ABL2: variants seen among roughly 807,000 people sequenced by gnomAD.
ABL2 encodes ABL proto-oncogene 2, non-receptor tyrosine kinase, also known as tyrosine-protein kinase ABL2.
ABL2 carries 49 observed loss-of-function variants against 107.7 expected under a neutral mutation model. The observed-to-expected ratio is 0.45, with a 90% CI of 0.36 to 0.58. ABL2 has a LOEUF of 0.58. Ranked by LOEUF, ABL2 falls within the 20% of genes least tolerant of loss-of-function variation. The pLI is 0.00. For missense variants in ABL2, 1,245 were observed against 1,457.0 expected (o/e 0.85, Z 2.37); for synonymous variants, 549 against 548.6 (o/e 1.00, Z -0.01).
chr1:179,168,755 T>C (rs1021396461), intron 1 of ABL2, among the ~76,000 whole-genome samples: 5 of 152,178 alleles, frequency 3.3e-5, no homozygotes, highest in Non-Finnish European at 7.3e-5. Flanking sequence ...TCTTCCCACA[T>C]ACACAGCTTT....
intron 1 of ABL2, among the ~76,000 whole-genome samples, chr1:179,176,528 T>G (rs1056520765): frequency 1.3e-5 from 2 of 152,224 alleles, no homozygotes; most frequent in South Asian, 2.1e-4. Context: ...TCAAAATCAA[T>G]CACTCCTTTT....
chr1:179,201,326 G>A (rs1223834005), intron 1 of ABL2, among the ~76,000 whole-genome samples: 1 of 152,152 alleles, frequency 6.6e-6, no homozygotes, highest in Admixed American at 6.5e-5. Context: ...TTACCTTATT[G>A]AAATTTGTAT....
intron 1 of ABL2, among the ~76,000 whole-genome samples, chr1:179,152,878 A>T (rs191725229): frequency 6.6e-6 from 1 of 152,344 alleles, no homozygotes; most frequent in East Asian, 1.9e-4. Flanking sequence ...TTTGATAATT[A>T]TCTGGAAATA....
Position 179,107,908 on chromosome 1 carries a change from C to T in ABL2, c.3359G>A (p.Cys1120Tyr), listed in dbSNP as rs2102572258. The change falls in exon 12 of 12, where the codon TGC becomes TAC. Residue 1120 changes from cysteine (C) to tyrosine (Y), a missense_variant. By Grantham distance (194) the Cys-to-Tyr change is radical. Around this residue, in one of 3 missense-constraint regions of ABL2, gnomAD observed 761 missense variants for 766.4 expected, o/e 0.99. Transcript: ENST00000502732. The stretch of plus-strand genomic sequence containing the variant: ...AGGGATGCAGTCCACATAGCCTGAG[C>T]AGTAGTCAAGCAGCTGGTGTCCAGT... The part of the protein sequence containing the change: ...VDTGHQLLDY[C>Y]SGYVDCIPQT... 2 of 1,614,218 alleles carry T rather than the reference C, an allele frequency of 1.2e-6. No homozygotes were observed. Among genetic ancestry groups the T allele is most frequent in the Non-Finnish European group, 8.5e-7 (1 of 1,180,036 alleles).
chr1:179,128,950 G>A (rs527785799), intron 3 of ABL2, among the ~76,000 whole-genome samples: 1 of 152,000 alleles, frequency 6.6e-6, no homozygotes. Flanking sequence ...CTCCCAAAGT[G>A]CTGAGAATAC....
intron 1 of ABL2, among the ~76,000 whole-genome samples, chr1:179,173,225 A>G (rs185234466): frequency 6.6e-6 from 1 of 151,826 alleles, no homozygotes; most frequent in Non-Finnish European, 1.5e-5. Context: ...AAAAAACGTA[A>G]GTTAACAGAA....
chr1:179,108,719 C>G lies in ABL2; in HGVS notation c.2548G>C (p.Ala850Pro), dbSNP rs1472177761. Residue 850 changes from alanine (A) to proline (P), a missense_variant, in exon 12 of 12, where the codon GCC becomes CCC. Ala to Pro is a conservative substitution (Grantham distance 27). Coordinates refer to ENST00000502732, the MANE Select transcript of ABL2 (RefSeq NM_007314.4). ...SAAPSRERPK[A>P]KLLPRGATAL... is the part of the protein sequence containing the mutation. The stretch of plus-strand genomic sequence containing the variant: ...GTGGCTCCTCTGGGCAATAACTTGG[C>G]TTTTGGTCTCTCCCTGCTTGGAGCA... 1 of 1,614,060 alleles carries G rather than the reference C, an allele frequency of 6.2e-7. No homozygotes were observed.
Position 179,146,829 on chromosome 1 carries a change from A to G in ABL2, c.158-13455T>C, listed in dbSNP as rs187598955. ...AAAGGAAAAAGATATATCACCCCAA[A>G]ATATGTCTCTGACATAAAAATTATT... is the stretch of plus-strand genomic sequence containing the variant. On this transcript the variant is annotated intron_variant, in intron 1 of 11. Transcript: ENST00000502732. Among the ~76,000 whole-genome samples, 179 of 152,266 alleles carry G rather than the reference A, an allele frequency of 1.2e-3. 1 individual carries two copies. The highest frequency in any genetic ancestry group is 3.8e-3 in the African/African-American group (159 of 41,548).
Position 179,099,862 on chromosome 1 carries a change from C to A in ABL2, c.*7856G>T, listed in dbSNP as rs886449303. 3 of 232,558 alleles carry A rather than the reference C, an allele frequency of 1.3e-5. No individual in the cohort carries two copies. Among genetic ancestry groups the A allele is most frequent in the Non-Finnish European group, 2.5e-5 (3 of 117,680 alleles). 14.4% of individuals were successfully genotyped at this position (232,558 alleles called of 1,614,324 possible). On this transcript the variant is annotated 3_prime_UTR_variant, in exon 12 of 12. Coordinates refer to ENST00000502732, the MANE Select transcript of ABL2 (RefSeq NM_007314.4). ...CTGCAGAGAAGGAAAAGTGCAGGGT[C>A]TGGGAGGAGATGGAGGTTCTGAGTA...
chr1:179,200,870 C>A (rs913055327), intron 1 of ABL2, among the ~76,000 whole-genome samples: 11 of 152,168 alleles, frequency 7.2e-5, no homozygotes, highest in Non-Finnish European at 1.5e-4. Flanking sequence ...AGTCTTCTCC[C>A]AGTGGAGTCA....
intron 1 of ABL2, among the ~76,000 whole-genome samples, chr1:179,152,876 T>C (rs1658443421): frequency 6.6e-6 from 1 of 152,134 alleles, no homozygotes; most frequent in African/African-American, 2.4e-5. Flanking sequence ...GATTTGATAA[T>C]TATCTGGAAA....
At position 179,099,707 on chromosome 1, in the gene ABL2, G is replaced by A. The variant is rs1202806002; in HGVS notation, c.*8011C>T. The A allele has an allele frequency of 1.3e-5, 3 of 230,832 alleles. No individual in the cohort carries two copies. Among genetic ancestry groups the A allele is most frequent in the East Asian group, 6.1e-5 (1 of 16,276 alleles). The allele number at this position is 230,832 out of a possible 1,614,324, so 14.3% of individuals were successfully genotyped here. On this transcript the variant is annotated 3_prime_UTR_variant, in exon 12 of 12. Transcript: ENST00000502732. ...GGGACCTTTGGTATAAACGTTCAAC[G>A]AGTTTTAAAGAATTGAATCCGCATG...
intron 1 of ABL2, among the ~76,000 whole-genome samples, chr1:179,197,224 G>C (rs1661367893): frequency 6.6e-6 from 1 of 151,810 alleles, no homozygotes; most frequent in Admixed American, 6.6e-5. Context: ...TCTATACCTA[G>C]TCACTTTCCA....
At chr1:179,141,703 TTTCTTCC>T (rs1234377407) in intron 1 of ABL2, among the ~76,000 whole-genome samples, 1 of 152,212 alleles carries the variant, frequency 6.6e-6, no homozygotes, top group Non-Finnish European at 1.5e-5. Context: ...TCCTTTCTTC[TTTCTTCC>T]CACTCCTCTT....
intron 1 of ABL2, among the ~76,000 whole-genome samples, chr1:179,192,025 A>C (rs1231990949): frequency 6.6e-6 from 1 of 152,246 alleles, no homozygotes; most frequent in African/African-American, 2.4e-5. Flanking sequence ...ATAAAGCAGA[A>C]GAGTAACTTA....
chr1:179,127,928 G>A (rs1478233705), intron 3 of ABL2, among the ~76,000 whole-genome samples: 2 of 151,814 alleles, frequency 1.3e-5, no homozygotes, highest in South Asian at 2.1e-4. Context: ...CCAGCTACTC[G>A]GGAGGCTGAG....
rs144833870 is a variant in ABL2, at chr1:179,099,473, C to G, written c.*8245G>C. On this transcript the variant is annotated 3_prime_UTR_variant, in exon 12 of 12. Coordinates refer to ENST00000502732, the MANE Select transcript of ABL2 (RefSeq NM_007314.4). ...CTGTTAGCAGTTCACAGTCAGACAACAGACGGAGAGAATTAAATTAGAAAA... is the reference window on the plus strand; with the variant it reads ...CTGTTAGCAGTTCACAGTCAGACAAGAGACGGAGAGAATTAAATTAGAAAA... 7.1e-3 allele frequency: 1,565 copies of G among 221,090 alleles called. 7 individuals are homozygous for G. The highest frequency in any genetic ancestry group is 0.012 in the Non-Finnish European group (1,279 of 110,518). 13.7% of individuals were successfully genotyped at this position (221,090 alleles called of 1,614,324 possible). A position where few individuals can be genotyped will look rare whatever the true frequency, so the allele number is the denominator to read the frequency against.
intron 10 of ABL2, 150 bp downstream of exon 10, chr1:179,112,159 A>T (rs978019169): frequency 1.6e-6 from 1 of 610,718 alleles, no homozygotes; most frequent in Non-Finnish European, 2.9e-6. Flanking sequence ...ATTATAAACT[A>T]TACTCTGATG....
intron 1 of ABL2, among the ~76,000 whole-genome samples, chr1:179,228,086 G>C (rs1419590226): frequency 6.8e-6 from 1 of 147,034 alleles, no homozygotes; most frequent in Non-Finnish European, 1.5e-5. Context: ...TTTGGGCCAG[G>C]AACGGTGGTG....
Sources: allele counts gnomAD v4.1 joint callset (sites outside exome capture counted in the v4.1 genomes callset), GRCh38; gene constraint gnomAD v4.1.1; regional missense constraint gnomAD v4.1.1; transcripts MANE v1.5; gene names NCBI Gene and HGNC (gene_info 2026-07-23, HGNC 2026-07-21).